Variants in SV2C observed in about 807,000 individuals in gnomAD.
The protein encoded by SV2C is synaptic vesicle glycoprotein 2C, also known as solute carrier family 22 member B3.
SV2C carries 49 observed loss-of-function variants against 79.7 expected under a neutral mutation model. That is an observed-to-expected ratio of 0.61 (90% CI 0.49 to 0.78). SV2C has a LOEUF of 0.78. SV2C is among the 30% of genes least tolerant of loss of function. The pLI, the probability that SV2C is intolerant of heterozygous loss-of-function variation, is 0.00. For synonymous variants in SV2C, 334 were observed against 333.2 expected (o/e 1.00, Z -0.03); for missense variants, 833 against 912.9 (o/e 0.91, Z 1.13).
At chr5:76,155,714 GA>G in intron 2 of SV2C, among the ~76,000 whole-genome samples, 2 of 151,982 alleles carry the variant, frequency 1.3e-5, no homozygotes. Context: ...AGCAAGCTGA[GA>G]AGACCTATGG....
At chr5:76,112,592 T>G (rs942071098) in intron 1 of SV2C, among the ~76,000 whole-genome samples, 5 of 152,074 alleles carry the variant, frequency 3.3e-5, no homozygotes, top group Non-Finnish European at 5.9e-5. Flanking sequence ...GAGAAGGGAC[T>G]CTGAGGGACA....
chr5:76,002,630 G>A, the SV2C span, among the ~76,000 whole-genome samples: 2 of 152,122 alleles, frequency 1.3e-5, no homozygotes, highest in Admixed American at 1.3e-4. Context: ...AACATATCTA[G>A]GGGCAGAAAG....
At chr5:76,100,768 C>G (rs1184610483) in intron 1 of SV2C, among the ~76,000 whole-genome samples, 1 of 152,106 alleles carries the variant, frequency 6.6e-6, no homozygotes, top group African/African-American at 2.4e-5. Flanking sequence ...GGTGTTTGCT[C>G]GAGGTAGGGT....
chr5:76,080,651 A>G (rs796570933), upstream of SV2C, among the ~76,000 whole-genome samples: 1 of 152,192 alleles, frequency 6.6e-6, no homozygotes, highest in African/African-American at 2.4e-5. Context: ...CAGACCTCTC[A>G]TGCTCATTAG....
intron 1 of SV2C, among the ~76,000 whole-genome samples, chr5:76,113,621 A>G (rs1748165077): frequency 6.6e-6 from 1 of 152,226 alleles, no homozygotes; most frequent in Admixed American, 6.5e-5. Context: ...GGAGGATTTA[A>G]GCCAAGAAGT....
chr5:76,053,456 G>C, the SV2C span, among the ~76,000 whole-genome samples: 3 of 152,146 alleles, frequency 2.0e-5, no homozygotes, highest in Non-Finnish European at 4.4e-5. Context: ...GGGAGAAAGC[G>C]AATTGATTAA....
At chr5:76,142,512 G>A (rs116757004) in intron 2 of SV2C, among the ~76,000 whole-genome samples, 1,902 of 152,122 alleles carry the variant, frequency 0.013, 41 homozygotes, top group African/African-American at 0.044. Context: ...GTGTGTTGTG[G>A]GCATCAGTGA....
At position 76,133,998 on chromosome 5, in the gene SV2C, A is replaced by G. The variant is rs139150268; in HGVS notation, c.580+1668A>G. On this transcript the variant is annotated intron_variant, in intron 2 of 12. Transcript: ENST00000502798. ...TGGTCCCACCATTTATACTGGAAAGACTACAGAAAAATCTAAGCCAAACTT... is the reference window on the plus strand; with the variant it reads ...TGGTCCCACCATTTATACTGGAAAGGCTACAGAAAAATCTAAGCCAAACTT... Among the ~76,000 whole-genome samples the G allele has an allele frequency of 1.6e-4, 24 of 152,308 alleles. No individual in the cohort carries two copies. The East Asian group carries it at 3.9e-3, about 25-fold the overall frequency.
intron 1 of SV2C, among the ~76,000 whole-genome samples, chr5:76,127,913 C>T (rs1474678757): frequency 2.6e-5 from 4 of 152,146 alleles, no homozygotes; most frequent in Non-Finnish European, 5.9e-5. Context: ...CTGCTTCCAT[C>T]GCTCCCTCCC....
the SV2C span, among the ~76,000 whole-genome samples, chr5:76,014,240 AAG>A: frequency 8.0e-5 from 12 of 149,404 alleles, no homozygotes; most frequent in African/African-American, 2.7e-4. Context: ...GAAAGGAAGA[AAG>A]AGAAAGAAGA....
the SV2C span, among the ~76,000 whole-genome samples, chr5:75,990,019 G>A: frequency 6.7e-6 from 1 of 150,348 alleles, no homozygotes; most frequent in African/African-American, 2.4e-5. Flanking sequence ...ATTCCTTGTA[G>A]ATGCTGAATA....
the SV2C span, among the ~76,000 whole-genome samples, chr5:75,953,644 G>A: frequency 2.6e-5 from 4 of 151,936 alleles, no homozygotes; most frequent in African/African-American, 9.7e-5. Context: ...AGAAGTGGCA[G>A]AGTGGACATC....
the SV2C span, among the ~76,000 whole-genome samples, chr5:75,875,120 C>T: frequency 6.6e-6 from 1 of 152,070 alleles, no homozygotes; most frequent in Non-Finnish European, 1.5e-5. Flanking sequence ...CCTGAATAGC[C>T]AAGGCAATCC....
At chr5:76,263,325 C>T (rs1333406003) in intron 4 of SV2C, among the ~76,000 whole-genome samples, 1 of 151,708 alleles carries the variant, frequency 6.6e-6, no homozygotes. Context: ...TTGGTAAATA[C>T]TCCTCAGCCC....
intron 2 of SV2C, among the ~76,000 whole-genome samples, chr5:76,157,309 A>G (rs1251580592): frequency 2.0e-5 from 3 of 152,152 alleles, no homozygotes; most frequent in African/African-American, 7.2e-5. Context: ...TCTTATATTC[A>G]GCAAAGCTAT....
Position 76,096,614 on chromosome 5 carries a change from C to T in SV2C, c.-102+13102C>T, listed in dbSNP as rs187265438. ...GAAGTATGTGAAAGGTGAGCAGAAACATGTGATGCCTTGTGATGATTAGTT... is the reference window on the plus strand; with the variant it reads ...GAAGTATGTGAAAGGTGAGCAGAAATATGTGATGCCTTGTGATGATTAGTT... On this transcript the variant is annotated intron_variant, in intron 1 of 12. Coordinates refer to ENST00000502798, the MANE Select transcript of SV2C (RefSeq NM_014979.4). Among the ~76,000 whole-genome samples, 48 of 152,238 alleles carry T rather than the reference C, an allele frequency of 3.2e-4. 2 individuals are homozygous for T. The highest frequency in any genetic ancestry group is 1.9e-3 in the South Asian group (9 of 4,824).
intron 12 of SV2C, among the ~76,000 whole-genome samples, chr5:76,347,192 G>T (rs933721970): frequency 6.6e-6 from 1 of 152,156 alleles, no homozygotes; most frequent in African/African-American, 2.4e-5. Context: ...CCATATTGAG[G>T]CAAAGGACAG....
the SV2C span, among the ~76,000 whole-genome samples, chr5:75,852,837 A>G: frequency 0.039 from 5,613 of 145,538 alleles, 149 homozygotes; most frequent in Non-Finnish European, 0.059. Flanking sequence ...AAAAAAAAAA[A>G]AAAAAAGAAA....
At chr5:76,241,698 T>A (rs1353661240) in intron 4 of SV2C, among the ~76,000 whole-genome samples, 4 of 151,900 alleles carry the variant, frequency 2.6e-5, no homozygotes, top group African/African-American at 7.3e-5. Flanking sequence ...AAATTTGTTT[T>A]TCTATACCAC....
Sources: gnomAD v4.1 joint callset for allele counts (sites outside exome capture counted in the v4.1 genomes callset) on GRCh38, gnomAD v4.1.1 for gene constraint, MANE v1.5 for transcripts, NCBI Gene and HGNC (gene_info 2026-07-23, HGNC 2026-07-21) for gene names.